GALNT18: variants seen among roughly 807,000 people sequenced by gnomAD.
The protein encoded by GALNT18 is polypeptide N-acetylgalactosaminyltransferase 18.
Under a neutral mutation model 69.5 loss-of-function variants are expected in GALNT18, and 44 were observed. That is an observed-to-expected ratio of 0.63 (90% CI 0.50 to 0.81). GALNT18 has a LOEUF of 0.81. GALNT18 is among the 40% of genes least tolerant of loss of function. GALNT18 has a pLI of 0.00. For missense variants in GALNT18, 715 were observed against 810.0 expected, an observed-to-expected ratio of 0.88 and a Z score of 1.42; for synonymous variants, 364 against 318.2, an observed-to-expected ratio of 1.14 and a Z score of -1.53.
chr11:11,534,451 A>C (rs369275738), intron 1 of GALNT18, among the ~76,000 whole-genome samples: 1 of 152,188 alleles, frequency 6.6e-6, no homozygotes, highest in African/African-American at 2.4e-5. Flanking sequence ...CTCAATGCCA[A>C]CTCCATGCCA....
chr11:11,411,941 G>A (rs571552354), intron 3 of GALNT18, among the ~76,000 whole-genome samples: 2 of 152,260 alleles, frequency 1.3e-5, no homozygotes, highest in East Asian at 3.9e-4. Flanking sequence ...GGGCCATATT[G>A]GGGAATGGGA....
intron 10 of GALNT18, among the ~76,000 whole-genome samples, chr11:11,275,044 CT>C (rs1394670046): frequency 2.0e-4 from 31 of 152,318 alleles, no homozygotes; most frequent in African/African-American, 7.2e-4. Context: ...ATTTATGATA[CT>C]TTGGGTACAT....
At position 11,332,950 on chromosome 11, in the gene GALNT18, A is replaced by G; in HGVS notation, c.1279-119T>C. On this transcript the variant is annotated intron_variant, in intron 7 of 10. Transcript: ENST00000227756. The surrounding 1 kb of genome is among the most constrained non-coding windows in gnomAD (Gnocchi z 4.3). ...ATTCCTAGAGACTGGGGAAGGGACCATGTGGCACGTTAACTCTTGCATTTT... is the reference window on the plus strand; with the variant it reads ...ATTCCTAGAGACTGGGGAAGGGACCGTGTGGCACGTTAACTCTTGCATTTT... The G allele has an allele frequency of 1.8e-6, 2 of 1,086,124 alleles. No individual in the cohort carries two copies. The highest frequency in any genetic ancestry group is 2.7e-6 in the Non-Finnish European group (2 of 738,728). The allele number at this position is 1,086,124 out of a possible 1,614,324, so 67.3% of individuals were successfully genotyped here.
chr11:11,400,113 C>G (rs926485014), intron 3 of GALNT18, among the ~76,000 whole-genome samples: 19 of 152,290 alleles, frequency 1.2e-4, no homozygotes, highest in African/African-American at 4.6e-4. Context: ...CTTGGACACT[C>G]TCTCTTGGAT....
chr11:11,326,265 C>T (rs1042359077), intron 9 of GALNT18, among the ~76,000 whole-genome samples: 4 of 152,056 alleles, frequency 2.6e-5, no homozygotes, highest in Admixed American at 6.5e-5. Flanking sequence ...AAGATGGTCT[C>T]GATCTCCTGA....
At chr11:11,291,528 C>T (rs1425422157) in intron 10 of GALNT18, among the ~76,000 whole-genome samples, 1 of 149,822 alleles carries the variant, frequency 6.7e-6, no homozygotes, top group East Asian at 1.9e-4. Flanking sequence ...TAGAACTTCA[C>T]AGTTTACAGC....
rs1590110954 is a variant in GALNT18, at chr11:11,574,546, A to G, written c.235+46813T>C. 2.0e-5 allele frequency among the ~76,000 whole-genome samples: 3 copies of G among 152,302 alleles called. 1 individual carries two copies. ...CACCTGGCTTCTAGCTTGGGCTTTCATCCACTTAAAGGAATCCACAGCATC... is the reference window on the plus strand; with the variant it reads ...CACCTGGCTTCTAGCTTGGGCTTTCGTCCACTTAAAGGAATCCACAGCATC... On this transcript the variant is annotated intron_variant, in intron 1 of 10. Coordinates refer to ENST00000227756, the MANE Select transcript of GALNT18 (RefSeq NM_198516.3).
intron 6 of GALNT18, among the ~76,000 whole-genome samples, chr11:11,359,322 G>T (rs748265509): frequency 7.1e-6 from 1 of 140,732 alleles, no homozygotes; most frequent in South Asian, 2.2e-4. Flanking sequence ...ACATTAACCT[G>T]CCTGGACTGC....
chr11:11,489,145 T>A (rs975659336), intron 1 of GALNT18, among the ~76,000 whole-genome samples: 2 of 152,232 alleles, frequency 1.3e-5, no homozygotes, highest in African/African-American at 4.8e-5. Flanking sequence ...ACTTCCTACA[T>A]GCCCAGACCT....
intron 10 of GALNT18, among the ~76,000 whole-genome samples, chr11:11,278,852 T>C (rs755315808): frequency 6.6e-6 from 1 of 152,220 alleles, no homozygotes; most frequent in African/African-American, 2.4e-5. Flanking sequence ...AAAAGTAGAA[T>C]TGGAATGTTT....
chr11:11,444,123 C>T lies in GALNT18; in HGVS notation c.428+4621G>A, dbSNP rs944860583. Among the ~76,000 whole-genome samples the T allele has an allele frequency of 4.6e-5, 7 of 152,104 alleles. No individual in the cohort carries two copies. The highest frequency in any genetic ancestry group is 7.2e-5 in the African/African-American group (3 of 41,422). ...TTAAAACAACTCTCCCCAGGGAAGC[C>T]GGCACAGGGAGGTGCCTTGCAGATG... On this transcript the variant is annotated intron_variant, in intron 2 of 10. Coordinates refer to ENST00000227756, the MANE Select transcript of GALNT18 (RefSeq NM_198516.3). This position sits in a 1 kb window ranked among gnomAD's most constrained non-coding sequence, Gnocchi z 4.4.
At chr11:11,487,154 C>T (rs569193074) in intron 1 of GALNT18, among the ~76,000 whole-genome samples, 1 of 152,336 alleles carries the variant, frequency 6.6e-6, no homozygotes, top group South Asian at 2.1e-4. Flanking sequence ...TTTAACCATT[C>T]CACTTCCCTT....
At chr11:11,450,525 C>G (rs1298965908) in intron 1 of GALNT18, among the ~76,000 whole-genome samples, 2 of 152,206 alleles carry the variant, frequency 1.3e-5, no homozygotes, top group African/African-American at 4.8e-5. Context: ...GGGGACTTAG[C>G]AAGCTCACGA....
intron 3 of GALNT18, among the ~76,000 whole-genome samples, chr11:11,381,487 G>A (rs1853918662): frequency 6.6e-6 from 1 of 152,190 alleles, no homozygotes; most frequent in Non-Finnish European, 1.5e-5. Flanking sequence ...GATGGGAGGA[G>A]GCTGAGGATG....
intron 1 of GALNT18, among the ~76,000 whole-genome samples, chr11:11,476,781 T>A (rs1382945846): frequency 6.6e-6 from 1 of 152,210 alleles, no homozygotes; most frequent in Non-Finnish European, 1.5e-5. Context: ...GATGCCCACA[T>A]AACAAGAAAG....
intron 1 of GALNT18, among the ~76,000 whole-genome samples, chr11:11,572,505 A>T (rs1010672048): frequency 1.3e-5 from 2 of 152,174 alleles, no homozygotes; most frequent in African/African-American, 4.8e-5. Context: ...CCAGCTTGGG[A>T]TGTGAACTTG....
In GALNT18 at chr11:11,382,607, A is replaced by C. The variant is rs1432285761; in HGVS notation, c.596-3343T>G. Reference sequence around the variant, plus strand: ...GCCCATCATATTTGCCTTCTTGCTAAGGCTGCCAGGAAGCTCAAAGACAAA... The same window carrying C: ...GCCCATCATATTTGCCTTCTTGCTACGGCTGCCAGGAAGCTCAAAGACAAA... On this transcript the variant is annotated intron_variant, in intron 3 of 10. Coordinates refer to ENST00000227756, the MANE Select transcript of GALNT18 (RefSeq NM_198516.3). The surrounding 1 kb of genome is among the most constrained non-coding windows in gnomAD (Gnocchi z 4.3). Among the ~76,000 whole-genome samples the C allele has an allele frequency of 2.6e-5, 4 of 152,192 alleles. No individual in the cohort carries two copies. The highest frequency in any genetic ancestry group is 5.9e-5 in the Non-Finnish European group (4 of 68,036).
At chr11:11,428,423 C>T (rs1855185184) in intron 3 of GALNT18, among the ~76,000 whole-genome samples, 1 of 152,256 alleles carries the variant, frequency 6.6e-6, no homozygotes, top group Admixed American at 6.5e-5. Context: ...CCCACCATGT[C>T]TGGCCTCCGC....
Position 11,341,525 on chromosome 11 carries a change from G to T in GALNT18, c.1093-521C>A, listed in dbSNP as rs1850206987. Among the ~76,000 whole-genome samples the T allele has an allele frequency of 6.6e-6, 1 of 152,154 alleles. No individual in the cohort carries two copies. The highest frequency in any genetic ancestry group is 2.1e-4 in the South Asian group (1 of 4,822). ...TCTAGTGCATCTTTCCGAGGCTCTG[G>T]GTTCTGACTGAATCTGAGGGAGAGC... On this transcript the variant is annotated intron_variant, in intron 6 of 10. Coordinates refer to ENST00000227756, the MANE Select transcript of GALNT18 (RefSeq NM_198516.3). This position sits in a 1 kb window ranked among gnomAD's most constrained non-coding sequence, Gnocchi z 6.3.
Sources: gnomAD v4.1 joint callset for allele counts (sites outside exome capture counted in the v4.1 genomes callset) on GRCh38, gnomAD v4.1.1 for gene constraint, Gnocchi (gnomAD v3.1) non-coding constraint, MANE v1.5 for transcripts, NCBI Gene and HGNC (gene_info 2026-07-23, HGNC 2026-07-21) for gene names.